LRRC4C: variants seen among roughly 807,000 people sequenced by gnomAD.
The protein encoded by LRRC4C is leucine rich repeat containing 4C.
LRRC4C carries 5 observed loss-of-function variants against 33.6 expected under a neutral mutation model. The ratio of observed to expected loss-of-function variants is 0.15; its 90% CI spans 0.08 to 0.31. The LOEUF is 0.31. Among genes scored for constraint, LRRC4C ranks in the 10% least tolerant of loss-of-function variants. The probability of loss-of-function intolerance (pLI) is 1.00; values close to 1 mark genes in which losing one functional copy is unlikely to be tolerated. For missense variants in LRRC4C, 560 were observed against 796.7 expected, an observed-to-expected ratio of 0.70 and a Z score of 3.58; for synonymous variants, 329 against 302.0, an observed-to-expected ratio of 1.09 and a Z score of -0.93.
chr11:40,707,388 A>G (rs1031563556), intron 2 of LRRC4C, among the ~76,000 whole-genome samples: 3 of 152,174 alleles, frequency 2.0e-5, no homozygotes, highest in Non-Finnish European at 4.4e-5. Context: ...CGTTCCATCA[A>G]TACCTAGTTT....
At chr11:40,353,317 C>T (rs535888440) in intron 3 of LRRC4C, among the ~76,000 whole-genome samples, 18 of 152,014 alleles carry the variant, frequency 1.2e-4, no homozygotes, top group Non-Finnish European at 2.5e-4. Flanking sequence ...AATAGGTTGG[C>T]TTCAAGTCAC....
chr11:40,455,439 C>T (rs1952087000), intron 3 of LRRC4C, among the ~76,000 whole-genome samples: 1 of 152,116 alleles, frequency 6.6e-6, no homozygotes, highest in African/African-American at 2.4e-5. Context: ...ATGTAATATT[C>T]CCAAAGTGTA....
intron 2 of LRRC4C, among the ~76,000 whole-genome samples, chr11:40,902,161 T>A (rs1425844603): frequency 6.6e-6 from 1 of 152,068 alleles, no homozygotes; most frequent in Non-Finnish European, 1.5e-5. Context: ...GTGGTGTTTT[T>A]CCAACAGCAT....
intron 1 of LRRC4C, among the ~76,000 whole-genome samples, chr11:40,984,433 A>AAG (rs1219259176): frequency 1.5e-4 from 22 of 145,318 alleles, no homozygotes; most frequent in African/African-American, 4.8e-4. Context: ...AAGAAAGAGA[A>AAG]AAAGAAAGAA....
At chr11:40,679,543 A>G (rs970406792) in intron 2 of LRRC4C, among the ~76,000 whole-genome samples, 1 of 152,192 alleles carries the variant, frequency 6.6e-6, no homozygotes, top group Non-Finnish European at 1.5e-5. Flanking sequence ...TGCTGTGTGC[A>G]GTCTAGGGAC....
intron 3 of LRRC4C, among the ~76,000 whole-genome samples, chr11:40,394,505 A>T (rs1201429829): frequency 6.6e-6 from 1 of 152,128 alleles, no homozygotes; most frequent in African/African-American, 2.4e-5. Flanking sequence ...GTCTGTCAAT[A>T]GCTGACCTCA....
intron 4 of LRRC4C, among the ~76,000 whole-genome samples, chr11:40,317,106 A>G (rs1346253560): frequency 1.3e-5 from 2 of 151,948 alleles, no homozygotes; most frequent in East Asian, 3.9e-4. Flanking sequence ...CTAAAATTCA[A>G]TGATGCAAAC....
At chr11:40,557,271 A>G (rs1246023348) in intron 3 of LRRC4C, among the ~76,000 whole-genome samples, 1 of 152,168 alleles carries the variant, frequency 6.6e-6, no homozygotes, top group Non-Finnish European at 1.5e-5. Context: ...CAACCACTTT[A>G]GAAGTAGATC....
chr11:40,778,851 T>TG (rs111776840), intron 2 of LRRC4C, among the ~76,000 whole-genome samples: 7,772 of 152,246 alleles, frequency 0.051, 259 homozygotes, highest in African/African-American at 0.092. Flanking sequence ...TAGAATTTGT[T>TG]GGGAAAGGGG....
At chr11:40,137,256 C>T (rs1465308653) in intron 6 of LRRC4C, among the ~76,000 whole-genome samples, 1 of 152,100 alleles carries the variant, frequency 6.6e-6, no homozygotes, top group African/African-American at 2.4e-5. Context: ...GTCCTAGCTG[C>T]ACTCTCACAC....
chr11:40,316,492 A>G (rs184475842), intron 4 of LRRC4C, among the ~76,000 whole-genome samples: 2 of 152,132 alleles, frequency 1.3e-5, no homozygotes, highest in Non-Finnish European at 2.9e-5. Context: ...AAACATCAGT[A>G]GGGATATGGC....
chr11:40,172,201 C>G (rs1860102997), intron 5 of LRRC4C, among the ~76,000 whole-genome samples: 2 of 152,144 alleles, frequency 1.3e-5, no homozygotes, highest in South Asian at 4.1e-4. Context: ...TTCCCAGTCT[C>G]CAGAACTGTG....
At chr11:40,561,106 AG>A (rs1957529638) in intron 3 of LRRC4C, among the ~76,000 whole-genome samples, 1 of 152,170 alleles carries the variant, frequency 6.6e-6, no homozygotes, top group African/African-American at 2.4e-5. Flanking sequence ...TAGGAAAATG[AG>A]GAAAATAATG....
intron 3 of LRRC4C, among the ~76,000 whole-genome samples, chr11:40,371,947 A>G (rs1948469347): frequency 6.6e-6 from 1 of 152,218 alleles, no homozygotes; most frequent in Admixed American, 6.5e-5. Context: ...GGATGAAAAA[A>G]CATACAGCAG....
intron 1 of LRRC4C, among the ~76,000 whole-genome samples, chr11:41,327,850 C>T (rs1397089211): frequency 6.6e-6 from 1 of 152,162 alleles, no homozygotes; most frequent in African/African-American, 2.4e-5. Flanking sequence ...TTTGCTCCTC[C>T]TTTTCACCTT....
intron 3 of LRRC4C, among the ~76,000 whole-genome samples, chr11:40,615,649 A>C (rs1961732065): frequency 6.6e-6 from 1 of 151,734 alleles, no homozygotes; most frequent in Non-Finnish European, 1.5e-5. Flanking sequence ...AGGGCATTTT[A>C]ATTTCTGTGA....
At chr11:40,968,843 G>C (rs1851527000) in intron 1 of LRRC4C, among the ~76,000 whole-genome samples, 1 of 152,104 alleles carries the variant, frequency 6.6e-6, no homozygotes, top group Non-Finnish European at 1.5e-5. Flanking sequence ...GATGTACAAG[G>C]AGATTACTGT....
intron 2 of LRRC4C, among the ~76,000 whole-genome samples, chr11:40,688,660 G>A (rs1945079420): frequency 6.6e-6 from 1 of 152,084 alleles, no homozygotes; most frequent in African/African-American, 2.4e-5. Flanking sequence ...TCAGTGGAAA[G>A]GTCAGAGGGG....
intron 2 of LRRC4C, among the ~76,000 whole-genome samples, chr11:40,807,551 C>A (rs920816053): frequency 6.6e-6 from 1 of 152,188 alleles, no homozygotes; most frequent in Admixed American, 6.5e-5. Context: ...AGAACAGAAG[C>A]CTTGAAGACT....
Sources: gnomAD v4.1 joint callset for allele counts (sites outside exome capture counted in the v4.1 genomes callset) on GRCh38, gnomAD v4.1.1 for gene constraint, MANE v1.5 for transcripts, NCBI Gene and HGNC (gene_info 2026-07-23, HGNC 2026-07-21) for gene names.